The following RANBP10 variants were observed in gnomAD, a reference collection of about 807,000 sequenced individuals.
RANBP10 encodes RAN binding protein 10, also known as ran-binding protein 10.
RANBP10 carries 24 observed loss-of-function variants against 72.8 expected under a neutral mutation model. That is an observed-to-expected ratio of 0.33 (90% CI 0.24 to 0.46). The LOEUF (loss-of-function observed/expected upper bound fraction) is 0.46. RANBP10 is among the 20% of genes least tolerant of loss of function. The pLI is 1.00. For synonymous variants in RANBP10, 310 were observed against 322.3 expected (o/e 0.96, Z 0.41); for missense variants, 679 against 817.5 (o/e 0.83, Z 2.07).
At chr16:67,728,552 T>C in intron 10 of RANBP10, 41 bp from the exon 11 acceptor site, 2 of 1,613,320 alleles carry the variant, frequency 1.2e-6, no homozygotes, top group Non-Finnish European at 1.7e-6. Flanking sequence ...CCAGGGGGTG[T>C]GGTTGGAGCA....
At position 67,783,558 on chromosome 16, in the gene RANBP10, T is replaced by G. The variant is rs139070082; in HGVS notation, c.348-11472A>C. On this transcript the variant is annotated intron_variant, in intron 2 of 13. Transcript: ENST00000317506. ...CAGCCTAATTCAAGACTATGGGTCT[T>G]AGATTTCAACCCACATATCAGGTTC... Among the ~76,000 whole-genome samples the G allele has an allele frequency of 1.2e-3, 187 of 152,280 alleles. 1 individual carries two copies. The highest frequency in any genetic ancestry group is 4.1e-3 in the African/African-American group (169 of 41,556).
intron 2 of RANBP10, among the ~76,000 whole-genome samples, chr16:67,797,718 G>A (rs1422537985): frequency 2.0e-5 from 3 of 152,316 alleles, no homozygotes; most frequent in East Asian, 3.9e-4. Context: ...GCTGAGGCAT[G>A]AGAATCACTT....
chr16:67,770,406 T>A lies in RANBP10; in HGVS notation c.400+1628A>T, dbSNP rs201973859. ...CTGACAATTAGTTGAATCCTAAGCA[T>A]CCTAGATTGAAAGTATTAGAAATCA... On this transcript the variant is annotated intron_variant, in intron 3 of 13. Transcript: ENST00000317506. Among the ~76,000 whole-genome samples, 11 of 151,970 alleles carry A rather than the reference T, an allele frequency of 7.2e-5. No individual in the cohort carries two copies. In the East Asian group the frequency reaches 1.7e-3, roughly 24 times the overall value.
chr16:67,727,896 T>C lies in RANBP10; in HGVS notation c.1475A>G (p.Asp492Gly). The C allele has an allele frequency of 3.7e-6, 6 of 1,613,880 alleles. No individual in the cohort carries two copies. Among genetic ancestry groups the C allele is most frequent in the Non-Finnish European group, 5.1e-6 (6 of 1,179,994 alleles). Reference protein sequence around the residue: ...EDLQTDESSMDDRHPRRQLCG... With the variant: ...EDLQTDESSMGDRHPRRQLCG... ...GAGCTGCCGCCGAGGATGCCTGTCA[T>C]CTGCATCCAGAACCCAGTGGAGAAC... Residue 492 changes from aspartate (D) to glycine (G), a missense_variant and splice_region_variant, in exon 12 of 14, where the codon GAT becomes GGT. Transcript: ENST00000317506.
At chr16:67,738,829 G>A (rs2053909916) in intron 4 of RANBP10, 1 of 152,210 alleles carries the variant, frequency 6.6e-6, no homozygotes, top group South Asian at 2.1e-4. Context: ...AGATGCTTAG[G>A]CAGGTGCATA....
At chr16:67,747,547 A>G (rs1253635237) in intron 3 of RANBP10, among the ~76,000 whole-genome samples, 3 of 152,166 alleles carry the variant, frequency 2.0e-5, no homozygotes, top group South Asian at 2.1e-4. Context: ...TCTCTCGTCC[A>G]GACTGGAATG....
intron 3 of RANBP10, 77 bp from the exon 4 acceptor site, chr16:67,744,532 G>A: frequency 6.9e-7 from 1 of 1,445,720 alleles, no homozygotes; most frequent in Admixed American, 2.1e-5. Context: ...GCCCACCCAG[G>A]TCTCTCAGCC....
At chr16:67,736,441 G>A (rs773818333) in intron 5 of RANBP10, among the ~76,000 whole-genome samples, 3 of 152,210 alleles carry the variant, frequency 2.0e-5, no homozygotes, top group African/African-American at 4.8e-5. Flanking sequence ...GATCACAAGC[G>A]TGAGCCAGCG....
chr16:67,734,778 G>C, intron 6 of RANBP10, 80 bp downstream of exon 6: 1 of 1,358,766 alleles, frequency 7.4e-7, no homozygotes. Context: ...TGTAAGAACA[G>C]CTTGTAGCCC....
chr16:67,805,390 C>G (rs2055353516), intron 2 of RANBP10, 38 bp downstream of exon 2: 1 of 1,567,590 alleles, frequency 6.4e-7, no homozygotes, highest in South Asian at 1.1e-5. Context: ...GGGATCAGCT[C>G]CATGATCAGG....
chr16:67,783,161 C>T (rs1420233337), intron 2 of RANBP10, among the ~76,000 whole-genome samples: 1 of 152,156 alleles, frequency 6.6e-6, no homozygotes, highest in Non-Finnish European at 1.5e-5. Flanking sequence ...ATGTCCCAAG[C>T]TGGGCACAGA....
intron 2 of RANBP10, among the ~76,000 whole-genome samples, chr16:67,799,285 CTTTTTTTTT>C (rs869030467): frequency 8.8e-6 from 1 of 113,968 alleles, no homozygotes; most frequent in East Asian, 2.5e-4. Context: ...CTCCACATCT[CTTTTTTTTT>C]TTTTTTTTTT....
intron 2 of RANBP10, among the ~76,000 whole-genome samples, chr16:67,772,362 T>G (rs903635152): frequency 1.3e-5 from 2 of 152,186 alleles, no homozygotes; most frequent in African/African-American, 2.4e-5. Context: ...GTGTCATGAA[T>G]TCATGGCTTC....
intron 2 of RANBP10, among the ~76,000 whole-genome samples, chr16:67,777,393 G>A (rs573905156): frequency 5.3e-5 from 8 of 152,004 alleles, no homozygotes; most frequent in East Asian, 3.9e-4. Flanking sequence ...AAATTTAGCC[G>A]GGCATGGTGG....
At chr16:67,798,554 G>C (rs1234103507) in intron 2 of RANBP10, among the ~76,000 whole-genome samples, 7 of 152,148 alleles carry the variant, frequency 4.6e-5, no homozygotes, top group Admixed American at 2.6e-4. Context: ...TAAAACATGG[G>C]GCATTACTGT....
Position 67,729,430 on chromosome 16 carries a change from T to A in RANBP10, c.1202A>T (p.Asn401Ile). The A allele has an allele frequency of 6.2e-7, 1 of 1,613,730 alleles. No individual in the cohort carries two copies. Residue 401 changes from asparagine to isoleucine, a missense_variant, in exon 10 of 14, where the codon AAC becomes ATC. Physicochemically the swap from Asn to Ile is moderately radical, Grantham distance 149 (BLOSUM62 -3). Transcript: ENST00000317506. This position sits in a 1 kb window ranked among gnomAD's most constrained non-coding sequence, Gnocchi z 7.1. ...NGVASTKSKQ[N>I]HSKYPAPSSS... ...GCTGGGTGCAGGGTATTTACTGTGG[T>A]TCTGTTTGCTCTTGGTGGACGCGAC...
Position 67,726,433 on chromosome 16 carries a change from G to C in RANBP10, c.1858C>G (p.His620Asp). 1.2e-6 allele frequency: 2 copies of C among 1,612,682 alleles called. No homozygotes were observed. The highest frequency in any genetic ancestry group is 1.7e-6 in the Non-Finnish European group (2 of 1,179,566). ...CSFARVDDYL[H>D] ...GAGCCAGCCAGCACAGTCAGCTAGTGCAAGTAGTCATCAACTCTGGCAAAG... is the reference window on the plus strand; with the variant it reads ...GAGCCAGCCAGCACAGTCAGCTAGTCCAAGTAGTCATCAACTCTGGCAAAG... Residue 620 changes from histidine to aspartate, a missense_variant, in exon 14 of 14, where the codon CAC becomes GAC. Coordinates refer to ENST00000317506, the MANE Select transcript of RANBP10 (RefSeq NM_020850.3).
intron 3 of RANBP10, among the ~76,000 whole-genome samples, chr16:67,765,483 T>C (rs906348181): frequency 1.3e-5 from 2 of 151,664 alleles, no homozygotes; most frequent in African/African-American, 4.8e-5. Context: ...GCCGAGATTG[T>C]GCCATTGCAC....
chr16:67,783,002 C>T (rs13330383), intron 2 of RANBP10, among the ~76,000 whole-genome samples: 1 of 151,902 alleles, frequency 6.6e-6, no homozygotes, highest in Non-Finnish European at 1.5e-5. Context: ...CATTAGGGAA[C>T]GTGGCTTTCA....
Sources: gnomAD v4.1 joint callset for allele counts (sites outside exome capture counted in the v4.1 genomes callset) on GRCh38, gnomAD v4.1.1 for gene constraint, Gnocchi (gnomAD v3.1) non-coding constraint, MANE v1.5 for transcripts, NCBI Gene and HGNC (gene_info 2026-07-23, HGNC 2026-07-21) for gene names.